PON1: variants seen among roughly 807,000 people sequenced by gnomAD.
PON1 encodes serum paraoxonase/arylesterase 1.
Under a neutral mutation model 39.2 loss-of-function variants are expected in PON1, and 37 were observed. The observed-to-expected ratio is 0.94, with a 90% CI of 0.73 to 1.24. The LOEUF (loss-of-function observed/expected upper bound fraction) is 1.24. Among genes scored for constraint, PON1 ranks in the 50% most tolerant of loss-of-function variants. The probability of loss-of-function intolerance (pLI) is 0.00; values close to 1 mark genes in which losing one functional copy is unlikely to be tolerated. For synonymous variants in PON1, 148 were observed against 152.2 expected (o/e 0.97, Z 0.21); for missense variants, 397 against 413.5 (o/e 0.96, Z 0.35).
chr7:95,302,128 A>AAAAAAAAAAAAAAAAAAAAAAAAG, intron 8 of PON1, 77 bp downstream of exon 8: 1 of 1,070,196 alleles, frequency 9.3e-7, no homozygotes, highest in Admixed American at 2.2e-5. Flanking sequence ...AAAACCAAGA[A>AAAAAAAAAAAAAAAAAAAAAAAAG]TTGAGAATTA....
At position 95,307,958 on chromosome 7, in the gene PON1, G is replaced by T. The variant is rs1009794708; in HGVS notation, c.698+53C>A. On this transcript the variant is annotated intron_variant, in intron 6 of 8. Coordinates refer to ENST00000222381, the MANE Select transcript of PON1 (RefSeq NM_000446.7). ...TACTTAAAAAAAGAATATATTCCAA[G>T]ATATCTCCTGAGAATCTGAGTAAAT... 10 of 1,478,004 alleles carry T rather than the reference G, an allele frequency of 6.8e-6. No individual in the cohort carries two copies. The East Asian group carries it at 9.1e-5, about 13-fold the overall frequency. 91.6% of individuals were successfully genotyped at this position (1,478,004 alleles called of 1,614,324 possible).
rs770138437 is a variant in PON1, at chr7:95,299,086, T to C, written c.926A>G (p.Asn309Ser). 38 of 1,614,032 alleles carry C rather than the reference T, an allele frequency of 2.4e-5. No homozygotes were observed. In the Admixed American group the frequency reaches 5.7e-4, roughly 24 times the overall value. ...PPASEVLRIQ[N>S]ILTEEPKVTQ... The stretch of plus-strand genomic sequence containing the variant: ...CACTTTAGGTTCTTCTGTTAGAATG[T>C]TCTGGATTCGAAGCACCTGTGGAAG... The change falls in exon 9 of 9, where the codon AAC becomes AGC. Residue 309 changes from asparagine (N) to serine (S), a missense_variant. Transcript: ENST00000222381.
intron 6 of PON1, 23 bp downstream of exon 6, chr7:95,307,988 T>C: frequency 1.3e-6 from 2 of 1,594,318 alleles, no homozygotes; most frequent in Non-Finnish European, 1.7e-6. Flanking sequence ...GTAAATCCAC[T>C]ACATTTCAGA....
chr7:95,306,245 A>C, intron 7 of PON1, 40 bp downstream of exon 7: 1 of 1,450,564 alleles, frequency 6.9e-7, no homozygotes, highest in Non-Finnish European at 9.7e-7. Context: ...ATTAGAATCT[A>C]ATTATCACTC....
chr7:95,302,049 A>AT (rs1439778934), intron 8 of PON1, among the ~76,000 whole-genome samples, 156 bp downstream of exon 8: 1 of 135,590 alleles, frequency 7.4e-6, no homozygotes, highest in African/African-American at 2.8e-5. Flanking sequence ...GTGAGCCAAG[A>AT]TTGCGCCACT....
chr7:95,299,680 GC>G (rs1208192774), intron 8 of PON1, among the ~76,000 whole-genome samples: 2 of 152,054 alleles, frequency 1.3e-5, no homozygotes, highest in East Asian at 3.9e-4. Flanking sequence ...GATGCTTCCT[GC>G]CCTCAAACAT....
rs1465326528 is a variant in PON1, at chr7:95,316,802, A to C, written c.146-13T>G. ...TCAGAGCCAGTTTCTGCCAGAAAAGAGAACAGAAAGTACAGGTTGTTTCAT... is the reference window on the plus strand; with the variant it reads ...TCAGAGCCAGTTTCTGCCAGAAAAGCGAACAGAAAGTACAGGTTGTTTCAT... On this transcript the variant is annotated splice_polypyrimidine_tract_variant and intron_variant, in intron 2 of 8. Transcript: ENST00000222381. The C allele has an allele frequency of 6.2e-7, 1 of 1,607,014 alleles. No individual in the cohort carries two copies.
intron 7 of PON1, 103 bp downstream of exon 7, chr7:95,306,182 C>A: frequency 1.0e-6 from 1 of 997,122 alleles, no homozygotes; most frequent in East Asian, 2.4e-5. Context: ...AATTGGTTCT[C>A]ACCCACCCCA....
chr7:95,323,117 G>T (rs1807935995), intron 1 of PON1, among the ~76,000 whole-genome samples: 1 of 152,142 alleles, frequency 6.6e-6, no homozygotes, highest in African/African-American at 2.4e-5. Context: ...TAGGGCTTGA[G>T]ATTCTGCCTG....
intron 7 of PON1, among the ~76,000 whole-genome samples, chr7:95,302,780 G>T (rs573376843): frequency 1.3e-5 from 2 of 152,264 alleles, no homozygotes; most frequent in South Asian, 2.1e-4. Context: ...CTCTTTAATG[G>T]CTAATCATAG....
chr7:95,307,257 G>C (rs3917543), intron 6 of PON1, among the ~76,000 whole-genome samples: 6,180 of 151,698 alleles, frequency 0.041, 426 homozygotes, highest in African/African-American at 0.14. Context: ...ATGGGGTTTC[G>C]CCATGATGGC....
At chr7:95,314,521 AG>A (rs1807724162) in intron 4 of PON1, among the ~76,000 whole-genome samples, 1 of 152,166 alleles carries the variant, frequency 6.6e-6, no homozygotes, top group African/African-American at 2.4e-5. Flanking sequence ...AAAGTCCAGA[AG>A]AGGAACTGAA....
Position 95,298,254 on chromosome 7 carries a change from A to AGAG in PON1, c.*687_*689dup, listed in dbSNP as rs142417304. The AGAG allele has an allele frequency of 1.3e-5, 2 of 154,358 alleles. No homozygotes were observed. Among genetic ancestry groups the AGAG allele is most frequent in the African/African-American group, 2.4e-5 (1 of 41,536 alleles). 9.6% of individuals were successfully genotyped at this position (154,358 alleles called of 1,614,324 possible). A position where few individuals can be genotyped will look rare whatever the true frequency, so the allele number is the denominator to read the frequency against. On this transcript the variant is annotated 3_prime_UTR_variant, in exon 9 of 9. Transcript: ENST00000222381. ...AATGTACAATTTGTGCCAAGATCATAGAGACTCATAATTTTCAGGTGTGAC... is the reference window on the plus strand; with the variant it reads ...AATGTACAATTTGTGCCAAGATCATAGAGGAGACTCATAATTTTCAGGTGTGAC...
At chr7:95,299,992 A>C (rs527332712) in intron 8 of PON1, among the ~76,000 whole-genome samples, 32 of 152,192 alleles carry the variant, frequency 2.1e-4, no homozygotes, top group African/African-American at 7.0e-4. Flanking sequence ...AAGAAAAAAA[A>C]TGTGGCCCTC....
chr7:95,300,252 C>T (rs1807391882), intron 8 of PON1, among the ~76,000 whole-genome samples: 1 of 152,182 alleles, frequency 6.6e-6, no homozygotes, highest in African/African-American at 2.4e-5. Context: ...AGGTGGGAGA[C>T]CTGGGTCATG....
chr7:95,323,970 T>C (rs1807955763), intron 1 of PON1, among the ~76,000 whole-genome samples: 1 of 152,170 alleles, frequency 6.6e-6, no homozygotes, highest in Non-Finnish European at 1.5e-5. Context: ...AATTTGAGAA[T>C]CTTCAAGCCT....
rs1807745467 is a variant in PON1 at position 95,315,425 on chromosome 7, G to T, written c.267C>A (p.Asp89Glu). Residue 89 changes from aspartate to glutamate, a missense_variant, in exon 4 of 9, where the codon GAC becomes GAA. Coordinates refer to ENST00000222381, the MANE Select transcript of PON1 (RefSeq NM_000446.7). ...PNSPGKILLM[D>E]LNEEDPTVLE... ...ACACTGTTGGATCTTCTTCATTCAG[G>T]TCCATCAGAAGTATTTTTCCAGGAC... 1 of 1,613,586 alleles carries T rather than the reference G, an allele frequency of 6.2e-7. No homozygotes were observed.
At chr7:95,301,862 T>C (rs946588593) in intron 8 of PON1, among the ~76,000 whole-genome samples, 1 of 146,016 alleles carries the variant, frequency 6.8e-6, no homozygotes, top group African/African-American at 2.6e-5. Context: ...CCGAGGCGGG[T>C]GGATCACAAG....
At chr7:95,313,586 TGG>T (rs1807700454) in intron 4 of PON1, among the ~76,000 whole-genome samples, 4 of 150,940 alleles carry the variant, frequency 2.7e-5, no homozygotes, top group African/African-American at 9.8e-5. Flanking sequence ...GGTGGATGAG[TGG>T]AAAGTCCATT....
Sources: allele counts gnomAD v4.1 joint callset (sites outside exome capture counted in the v4.1 genomes callset), GRCh38; gene constraint gnomAD v4.1.1; transcripts MANE v1.5; gene names NCBI Gene and HGNC (gene_info 2026-07-23, HGNC 2026-07-21).